The following COL21A1 variants were observed in gnomAD, a reference collection of about 807,000 sequenced individuals.
COL21A1 encodes collagen type XXI alpha 1 chain, also known as collagen alpha-1(XXI) chain.
A neutral mutation model predicts 137.9 loss-of-function variants in COL21A1; 149 were observed. The observed-to-expected ratio is 1.08, with a 90% CI of 0.95 to 1.24. The LOEUF is 1.24. COL21A1 is among the 50% of genes most tolerant of loss of function. The probability of loss-of-function intolerance (pLI) is 0.00; values close to 1 mark genes in which losing one functional copy is unlikely to be tolerated. For synonymous variants in COL21A1, 456 were observed against 391.5 expected, an observed-to-expected ratio of 1.16 and a Z score of -1.95; for missense variants, 1,167 against 1,158.4, an observed-to-expected ratio of 1.01 and a Z score of -0.11.
intron 1 of COL21A1, among the ~76,000 whole-genome samples, chr6:56,258,124 T>G (rs915235898): frequency 1.8e-4 from 28 of 152,310 alleles, no homozygotes; most frequent in African/African-American, 6.5e-4. Context: ...CATTTCTTTC[T>G]CATTCTTTAA....
At chr6:56,115,054 A>T (rs1285021728) in intron 16 of COL21A1, among the ~76,000 whole-genome samples, 1 of 151,904 alleles carries the variant, frequency 6.6e-6, no homozygotes, top group Non-Finnish European at 1.5e-5. Context: ...CGCAAGAACA[A>T]AAAACCAAAC....
intron 1 of COL21A1, among the ~76,000 whole-genome samples, chr6:56,241,151 C>T: frequency 6.6e-6 from 1 of 152,156 alleles, no homozygotes; most frequent in East Asian, 1.9e-4. Context: ...TAACTCCCAA[C>T]ATGGTGATAT....
chr6:56,177,051 A>C (rs1279948674), intron 3 of COL21A1, among the ~76,000 whole-genome samples: 1 of 151,710 alleles, frequency 6.6e-6, no homozygotes, highest in African/African-American at 2.4e-5. Flanking sequence ...AAGTAGTAGT[A>C]GAAGTAGTAG....
intron 1 of COL21A1, among the ~76,000 whole-genome samples, chr6:56,256,934 T>C (rs1477818820): frequency 6.6e-6 from 1 of 152,100 alleles, no homozygotes; most frequent in East Asian, 1.9e-4. Flanking sequence ...ATTCATGTCA[T>C]TGCACAGAGG....
At chr6:56,272,022 C>T (rs188986418) in intron 1 of COL21A1, among the ~76,000 whole-genome samples, 2 of 152,202 alleles carry the variant, frequency 1.3e-5, no homozygotes, top group Non-Finnish European at 2.9e-5. Context: ...TAGGGCAGTG[C>T]AGAAGGGAAA....
At chr6:56,259,266 T>C (rs1461126306) in intron 1 of COL21A1, among the ~76,000 whole-genome samples, 1 of 152,210 alleles carries the variant, frequency 6.6e-6, no homozygotes, top group Non-Finnish European at 1.5e-5. Context: ...ATTCCCCCAC[T>C]GCTTCTTCAA....
intron 1 of COL21A1, among the ~76,000 whole-genome samples, chr6:56,389,882 G>T (rs963700865): frequency 2.6e-5 from 4 of 152,124 alleles, no homozygotes; most frequent in South Asian, 4.1e-4. Flanking sequence ...ACAAACAAAA[G>T]TTGAGGGATT....
chr6:56,148,338 C>CAGAGAGAGAGAGAGAG (rs150898619), intron 10 of COL21A1, among the ~76,000 whole-genome samples: 12,558 of 132,968 alleles, frequency 0.094, 811 homozygotes, highest in East Asian at 0.18. Flanking sequence ...AGACAAGAGA[C>CAGAGAGAGAGAGAGAG]AGAGAGAGAG....
chr6:56,119,314 T>A (rs770884306), intron 16 of COL21A1, among the ~76,000 whole-genome samples: 2 of 151,962 alleles, frequency 1.3e-5, no homozygotes, highest in Non-Finnish European at 2.9e-5. Context: ...TAAAAAGTAA[T>A]CCCATTTACA....
intron 9 of COL21A1, among the ~76,000 whole-genome samples, chr6:56,158,198 G>C (rs1305083708): frequency 6.7e-6 from 1 of 149,972 alleles, no homozygotes; most frequent in African/African-American, 2.5e-5. Flanking sequence ...AAGTATCAGG[G>C]TGTTCCTATA....
chr6:56,264,624 A>C (rs1211427179), intron 1 of COL21A1, among the ~76,000 whole-genome samples: 1 of 152,184 alleles, frequency 6.6e-6, no homozygotes, highest in Non-Finnish European at 1.5e-5. Flanking sequence ...TTGCCGTGTG[A>C]GATTTCCAAT....
chr6:56,333,864 A>G (rs1765282995), intron 1 of COL21A1, among the ~76,000 whole-genome samples: 1 of 152,080 alleles, frequency 6.6e-6, no homozygotes, highest in African/African-American at 2.4e-5. Flanking sequence ...TTAATAGTTA[A>G]TGGTGTTGAG....
At chr6:56,070,657 AG>A (rs1766663174) in intron 21 of COL21A1, 87 bp downstream of exon 21, 4 of 867,236 alleles carry the variant, frequency 4.6e-6, no homozygotes, top group Admixed American at 3.1e-5. Context: ...GTATCTCTTC[AG>A]AGATATAAAA....
chr6:56,170,534 G>A (rs1423970839), intron 5 of COL21A1, 115 bp downstream of exon 5: 1 of 716,466 alleles, frequency 1.4e-6, no homozygotes. Context: ...AAAATTTAAA[G>A]TAAAAATATT....
intron 1 of COL21A1, among the ~76,000 whole-genome samples, chr6:56,371,390 T>C (rs938641277): frequency 1.1e-4 from 17 of 152,326 alleles, no homozygotes; most frequent in Admixed American, 1.1e-3. Context: ...ATCTGCTGCA[T>C]TCTGATGACC....
At chr6:56,321,730 G>A (rs7759475) in intron 1 of COL21A1, among the ~76,000 whole-genome samples, 150,064 of 152,220 alleles carry the variant, frequency 0.99, 74,001 homozygotes, top group Middle Eastern at 1. Context: ...GTTGAGGAGC[G>A]CAGTGGCCAG....
At chr6:56,307,353 A>G (rs1764488101) in intron 1 of COL21A1, among the ~76,000 whole-genome samples, 2 of 152,198 alleles carry the variant, frequency 1.3e-5, no homozygotes, top group South Asian at 4.1e-4. Context: ...GGCCTCCTTA[A>G]GCTGCAGTGG....
chr6:56,196,289 T>A (rs1201550371), intron 1 of COL21A1, among the ~76,000 whole-genome samples: 2 of 152,066 alleles, frequency 1.3e-5, no homozygotes, highest in Admixed American at 1.3e-4. Flanking sequence ...AGCTGAAAGC[T>A]TTTCCTCTAA....
chr6:56,096,855 C>A (rs991346202), intron 17 of COL21A1, among the ~76,000 whole-genome samples: 4 of 152,124 alleles, frequency 2.6e-5, no homozygotes, highest in Non-Finnish European at 5.9e-5. Flanking sequence ...TTTATTACAA[C>A]TACTTAAAAC....
Sources: gnomAD v4.1 joint callset for allele counts (sites outside exome capture counted in the v4.1 genomes callset) on GRCh38, gnomAD v4.1.1 for gene constraint, MANE v1.5 for transcripts, NCBI Gene and HGNC (gene_info 2026-07-23, HGNC 2026-07-21) for gene names.